Variants in RSPH3 observed in about 807,000 individuals in gnomAD.
RSPH3 encodes the protein radial spoke head 3.
RSPH3 carries 21 observed loss-of-function variants against 43.8 expected under a neutral mutation model. That is an observed-to-expected ratio of 0.48 (90% CI 0.34 to 0.69). The LOEUF is 0.69. Ranked by LOEUF, RSPH3 falls within the 30% of genes least tolerant of loss-of-function variation. The probability of loss-of-function intolerance (pLI) is 0.01; values close to 1 mark genes in which losing one functional copy is unlikely to be tolerated. For missense variants in RSPH3, 487 were observed against 516.0 expected (o/e 0.94, Z 0.54); for synonymous variants, 173 against 179.8 (o/e 0.96, Z 0.30).
chr6:158,970,160 G>A (rs931158546), downstream of RSPH3, among the ~76,000 whole-genome samples: 7 of 151,686 alleles, frequency 4.6e-5, no homozygotes, highest in African/African-American at 1.4e-4. Flanking sequence ...TGTACCACCC[G>A]TCCAACCTGG....
chr6:158,992,894 AAAG>A (rs1778463943), intron 2 of RSPH3, among the ~76,000 whole-genome samples: 1 of 152,194 alleles, frequency 6.6e-6, no homozygotes, highest in African/African-American at 2.4e-5. Context: ...TGAGTGAATT[AAAG>A]AAGCAGAATT....
Position 158,977,260 on chromosome 6 carries a change from T to C in RSPH3, c.*278A>G, listed in dbSNP as rs1351263038. The C allele has an allele frequency of 2.8e-6, 1 of 362,014 alleles. No homozygotes were observed. The highest frequency in any genetic ancestry group is 2.1e-5 in the African/African-American group (1 of 47,766). 22.4% of individuals were successfully genotyped at this position (362,014 alleles called of 1,614,324 possible). On this transcript the variant is annotated 3_prime_UTR_variant, in exon 8 of 8. Transcript: ENST00000367069. ...TAGAAGGGCTAAGGAAAAATATATT[T>C]GCTGGTTACATATAATGGTAATAGA...
chr6:158,983,301 T>C (rs938084887), intron 4 of RSPH3, among the ~76,000 whole-genome samples: 3 of 152,114 alleles, frequency 2.0e-5, no homozygotes, highest in Admixed American at 2.0e-4. Flanking sequence ...AGTTAAATAA[T>C]CCAAAAGCAA....
At chr6:158,988,930 C>G (rs1307388689) in intron 2 of RSPH3, among the ~76,000 whole-genome samples, 9 of 152,012 alleles carry the variant, frequency 5.9e-5, no homozygotes, top group African/African-American at 2.2e-4. Flanking sequence ...GGTCATGGTT[C>G]TCTGTTTGCT....
chr6:158,993,331 T>G (rs1294133092), intron 2 of RSPH3, among the ~76,000 whole-genome samples: 1 of 151,968 alleles, frequency 6.6e-6, no homozygotes, highest in Non-Finnish European at 1.5e-5. Flanking sequence ...TTGGCCAGAA[T>G]GGTCTTGATC....
intron 6 of RSPH3, among the ~76,000 whole-genome samples, chr6:158,978,962 A>C (rs1476065325): frequency 6.6e-6 from 1 of 152,184 alleles, no homozygotes; most frequent in African/African-American, 2.4e-5. Context: ...ACTCCAATCC[A>C]AATGCAATGC....
rs1300418942 is a variant in RSPH3, at chr6:158,984,434, T to TTTTA, written c.347-628_347-627insTAAA. 1.2e-3 allele frequency among the ~76,000 whole-genome samples: 78 copies of TTTTA among 63,650 alleles called. 6 individuals carry two copies. In the East Asian group the frequency reaches 0.013, roughly 10 times the overall value. 41.8% of individuals were successfully genotyped at this position (63,650 alleles called of 152,430 possible). ...AGTACAACAGTGGATAAAAAGTCAA[T>TTTTA]TATATATATATATATATATATATAT... On this transcript the variant is annotated intron_variant, in intron 3 of 7. Coordinates refer to ENST00000367069, the MANE Select transcript of RSPH3 (RefSeq NM_031924.8).
rs57195960 is a variant in RSPH3 at position 158,995,890 on chromosome 6, T to C, written c.117-1964A>G. Among the ~76,000 whole-genome samples the C allele has an allele frequency of 5.5e-3, 839 of 152,292 alleles. 9 individuals carry two copies. Among genetic ancestry groups the C allele is most frequent in the African/African-American group, 0.019 (782 of 41,556 alleles). On this transcript the variant is annotated intron_variant, in intron 1 of 7. Coordinates refer to ENST00000367069, the MANE Select transcript of RSPH3 (RefSeq NM_031924.8). The stretch of plus-strand genomic sequence containing the variant: ...CCGGGATTACAGGCGTGAGCCACCG[T>C]GCCCATCCTTCTTCTTTTACTTTTA...
intron 4 of RSPH3, 121 bp downstream of exon 4, chr6:158,983,541 A>G (rs1778109896): frequency 5.1e-6 from 4 of 785,996 alleles, no homozygotes; most frequent in Non-Finnish European, 8.9e-6. Flanking sequence ...AATATCTGGA[A>G]AGAAATCCAA....
In RSPH3 at chr6:158,973,297, A is replaced by C. The variant is rs1403646082; in HGVS notation, c.*4241T>G. 7 of 152,320 alleles carry C rather than the reference A, an allele frequency of 4.6e-5. No individual in the cohort carries two copies. Among genetic ancestry groups the C allele is most frequent in the Non-Finnish European group, 7.3e-5 (5 of 68,028 alleles). The allele number at this position is 152,320 out of a possible 1,614,324, so 9.4% of individuals were successfully genotyped here. On this transcript the variant is annotated 3_prime_UTR_variant, in exon 8 of 8. Transcript: ENST00000367069. Reference sequence around the variant, plus strand: ...CATAGCAGGTAAAGCATAGAAAAAAAATCTAGCTGATATAGTTGTTATGTT... The same window carrying C: ...CATAGCAGGTAAAGCATAGAAAAAACATCTAGCTGATATAGTTGTTATGTT...
rs1778149375 is a variant in RSPH3, at chr6:158,984,437, TATATATA to T, written c.347-637_347-631del. Among the ~76,000 whole-genome samples, 268 of 49,484 alleles carry T rather than the reference TATATATA, an allele frequency of 5.4e-3. 18 individuals are homozygous for T. Among genetic ancestry groups the T allele is most frequent in the African/African-American group, 0.012 (234 of 18,850 alleles). The allele number at this position is 49,484 out of a possible 152,430, so 32.5% of individuals were successfully genotyped here. A position where few individuals can be genotyped will look rare whatever the true frequency, so the allele number is the denominator to read the frequency against. On this transcript the variant is annotated intron_variant, in intron 3 of 7. Coordinates refer to ENST00000367069, the MANE Select transcript of RSPH3 (RefSeq NM_031924.8). ...ACAACAGTGGATAAAAAGTCAATTA[TATATATA>T]TATATATATATATATATATATATAT...
downstream of RSPH3, among the ~76,000 whole-genome samples, chr6:158,967,909 T>C (rs950807910): frequency 6.6e-6 from 1 of 152,212 alleles, no homozygotes; most frequent in African/African-American, 2.4e-5. Flanking sequence ...TTTTGGTTAC[T>C]GTTTGCATGC....
At chr6:158,979,308 C>T (rs1777950508) in intron 6 of RSPH3, among the ~76,000 whole-genome samples, 1 of 152,072 alleles carries the variant, frequency 6.6e-6, no homozygotes, top group South Asian at 2.1e-4. Flanking sequence ...ATTTTTATCT[C>T]AGGTATGAAT....
rs1260538987 is a variant in RSPH3, at chr6:158,986,958, A to G, written c.205-537T>C. Among the ~76,000 whole-genome samples the G allele has an allele frequency of 6.6e-5, 10 of 152,240 alleles. 1 individual carries two copies. The highest frequency in any genetic ancestry group is 1.2e-4 in the Non-Finnish European group (8 of 68,040). The stretch of plus-strand genomic sequence containing the variant: ...CTGCAGAAGATGGATAAAATGCTCT[A>G]TAAATATCAGTTAGTCCTAATAGGT... On this transcript the variant is annotated intron_variant, in intron 2 of 7. Transcript: ENST00000367069.
At chr6:158,984,437 T>TATATATATATATATATATAC (rs1778149984) in intron 3 of RSPH3, among the ~76,000 whole-genome samples, 1 of 49,478 alleles carries the variant, frequency 2.0e-5, no homozygotes, top group African/African-American at 5.3e-5. Flanking sequence ...AAGTCAATTA[T>TATATATATATATATATATAC]ATATATATAT....
chr6:158,990,036 C>G (rs1393991033), intron 2 of RSPH3, among the ~76,000 whole-genome samples: 1 of 152,164 alleles, frequency 6.6e-6, no homozygotes, highest in African/African-American at 2.4e-5. Context: ...ACATCTTTCT[C>G]CTGTGCTGGA....
At chr6:158,967,075 T>A in the RSPH3 span, among the ~76,000 whole-genome samples, 1 of 152,088 alleles carries the variant, frequency 6.6e-6, no homozygotes, top group Non-Finnish European at 1.5e-5. Context: ...AGTGGTATGA[T>A]CATGCATCAC....
At chr6:158,993,590 C>T (rs1468524120) in intron 2 of RSPH3, among the ~76,000 whole-genome samples, 3 of 152,082 alleles carry the variant, frequency 2.0e-5, no homozygotes, top group Non-Finnish European at 4.4e-5. Context: ...ACTCTTTTCA[C>T]CTTGCAAAAC....
chr6:158,993,694 T>C (rs1163978286), intron 2 of RSPH3, 145 bp downstream of exon 2: 3 of 517,262 alleles, frequency 5.8e-6, no homozygotes, highest in Non-Finnish European at 1.0e-5. Context: ...TTGTATGTCT[T>C]TTTAAAAATT....
Sources: gnomAD v4.1 joint callset for allele counts (sites outside exome capture counted in the v4.1 genomes callset) on GRCh38, gnomAD v4.1.1 for gene constraint, MANE v1.5 for transcripts, NCBI Gene and HGNC (gene_info 2026-07-23, HGNC 2026-07-21) for gene names.